Variants in FRMPD4 observed in about 807,000 individuals in gnomAD.
FRMPD4 encodes the protein FERM and PDZ domain containing 4.
A neutral mutation model predicts 94.1 loss-of-function variants in FRMPD4; 22 were observed. The observed-to-expected ratio is 0.23, with a 90% CI of 0.17 to 0.33. The LOEUF (loss-of-function observed/expected upper bound fraction) is 0.33, where lower values mean the gene tolerates loss of function less well. Ranked by LOEUF, FRMPD4 falls within the 10% of genes least tolerant of loss-of-function variation. FRMPD4 has a pLI of 1.00. For synonymous variants in FRMPD4, 631 were observed against 548.6 expected, an observed-to-expected ratio of 1.15 and a Z score of -2.10; for missense variants, 1,111 against 1,339.9, an observed-to-expected ratio of 0.83 and a Z score of 2.67.
At chrX:11,874,853 G>A (rs1033912304) in intron 2 of FRMPD4, among the ~76,000 whole-genome samples, 1 of 111,546 alleles carries the variant, frequency 9.0e-6, no homozygotes, top group Non-Finnish European at 1.9e-5. Flanking sequence ...TAGTGGCAGG[G>A]AATATTGAAA....
intron 1 of FRMPD4, among the ~76,000 whole-genome samples, chrX:12,207,234 G>GA (rs1308570941): frequency 9.0e-6 from 1 of 111,314 alleles, no homozygotes; most frequent in African/African-American, 3.3e-5. Context: ...TTTTTGGCAA[G>GA]AAAAAAATGC....
chrX:12,178,613 G>A (rs766237842), intron 1 of FRMPD4, among the ~76,000 whole-genome samples: 3 of 112,021 alleles, frequency 2.7e-5, no homozygotes, highest in South Asian at 3.7e-4. Flanking sequence ...TTAACAAACT[G>A]TTATTAAGCC....
At chrX:12,633,472 G>A (rs2059415472) in intron 4 of FRMPD4, among the ~76,000 whole-genome samples, 1 of 111,829 alleles carries the variant, frequency 8.9e-6, no homozygotes, top group Non-Finnish European at 1.9e-5. Context: ...GAGCTGAGTA[G>A]CATCCCCTAA....
rs759838146 is a variant in FRMPD4, at chrX:11,870,695, G to A, written c.-30+5479G>A. On this transcript the variant is annotated intron_variant, in intron 2 of 18. Coordinates refer to the FRMPD4 transcript ENST00000640291. ...AGGACCAGGGAGGGGTCTATGAAACGTGAAAATTCTTTGCAAATCATCCAT... is the reference window on the plus strand; with the variant it reads ...AGGACCAGGGAGGGGTCTATGAAACATGAAAATTCTTTGCAAATCATCCAT... Among the ~76,000 whole-genome samples the A allele has an allele frequency of 1.2e-4, 13 of 111,527 alleles. 1 individual carries two copies. The highest frequency in any genetic ancestry group is 1.7e-4 in the Non-Finnish European group (9 of 53,071).
chrX:12,008,264 A>G (rs780547642), intron 3 of FRMPD4, among the ~76,000 whole-genome samples: 1 of 111,895 alleles, frequency 8.9e-6, no homozygotes, highest in African/African-American at 3.2e-5. Context: ...ATACTTGGCC[A>G]GAGTCACGTG....
chrX:12,019,422 C>G (rs2054621257), intron 3 of FRMPD4, among the ~76,000 whole-genome samples: 1 of 110,184 alleles, frequency 9.1e-6, no homozygotes, highest in African/African-American at 3.3e-5. Flanking sequence ...TCTCTCTCCT[C>G]TCTTCAATCC....
At chrX:12,058,452 G>A (rs1003333017) in intron 3 of FRMPD4, among the ~76,000 whole-genome samples, 6 of 110,658 alleles carry the variant, frequency 5.4e-5, no homozygotes, top group African/African-American at 2.0e-4. Context: ...CCATATTTTG[G>A]ATATCGGTTT....
At chrX:12,594,725 G>A (rs755389558) in intron 2 of FRMPD4, among the ~76,000 whole-genome samples, 39 of 111,725 alleles carry the variant, frequency 3.5e-4, no homozygotes, top group African/African-American at 4.9e-4. Flanking sequence ...ATGAGCCACC[G>A]TACCCGGCCA....
intron 1 of FRMPD4, among the ~76,000 whole-genome samples, chrX:12,312,933 G>A (rs2055058223): frequency 9.0e-6 from 1 of 111,195 alleles, no homozygotes; most frequent in Non-Finnish European, 1.9e-5. Flanking sequence ...CAAAAGGAGG[G>A]AGCCCAGTGC....
chrX:11,975,529 C>T (rs1276503435), intron 3 of FRMPD4, among the ~76,000 whole-genome samples: 1 of 112,390 alleles, frequency 8.9e-6, no homozygotes, highest in African/African-American at 3.2e-5. Context: ...TTCATACTTG[C>T]TTTCTGAACA....
chrX:11,905,695 G>A (rs761316708), intron 3 of FRMPD4, among the ~76,000 whole-genome samples: 16 of 111,170 alleles, frequency 1.4e-4, no homozygotes, highest in African/African-American at 2.9e-4. Flanking sequence ...CATTGATAAC[G>A]TGTGCTCCTA....
chrX:12,712,218 GAA>G (rs59142640), intron 14 of FRMPD4, among the ~76,000 whole-genome samples: 40,128 of 97,276 alleles, frequency 0.41, 6,124 homozygotes, highest in East Asian at 0.81. Flanking sequence ...AATTAGCAGT[GAA>G]AAAAAAAAAA....
intron 14 of FRMPD4, among the ~76,000 whole-genome samples, chrX:12,712,279 T>G (rs1263888684): frequency 9.2e-6 from 1 of 108,778 alleles, no homozygotes; most frequent in Admixed American, 9.7e-5. Flanking sequence ...CCAGATGCAG[T>G]GGTTCACGCC....
At chrX:12,571,573 C>A (rs771447062) in intron 2 of FRMPD4, among the ~76,000 whole-genome samples, 1 of 112,671 alleles carries the variant, frequency 8.9e-6, no homozygotes, top group East Asian at 2.8e-4. Context: ...AATTTTAATT[C>A]TACTCTGTAA....
At chrX:12,439,629 T>G (rs1248428866) in intron 1 of FRMPD4, among the ~76,000 whole-genome samples, 1 of 111,970 alleles carries the variant, frequency 8.9e-6, no homozygotes, top group Non-Finnish European at 1.9e-5. Flanking sequence ...AGTCCAGAGC[T>G]CATTTCGTTT....
intron 1 of FRMPD4, among the ~76,000 whole-genome samples, chrX:11,832,419 C>T (rs2053480328): frequency 1.8e-5 from 2 of 111,679 alleles, no homozygotes; most frequent in African/African-American, 6.5e-5. Flanking sequence ...TCATCCAGCA[C>T]AGACGAGATG....
chrX:12,440,284 C>T (rs1220144499), intron 1 of FRMPD4, among the ~76,000 whole-genome samples: 1 of 111,989 alleles, frequency 8.9e-6, no homozygotes, highest in Non-Finnish European at 1.9e-5. Flanking sequence ...TTGCAACCCT[C>T]CAGATAAATA....
intron 2 of FRMPD4, among the ~76,000 whole-genome samples, chrX:12,536,698 T>C (rs2058342933): frequency 8.9e-6 from 1 of 111,763 alleles, no homozygotes; most frequent in Non-Finnish European, 1.9e-5. Flanking sequence ...AGGAGAGAAT[T>C]TGATGTCTGA....
chrX:12,586,612 C>T (rs772560130), intron 2 of FRMPD4, among the ~76,000 whole-genome samples: 12 of 112,059 alleles, frequency 1.1e-4, no homozygotes, highest in African/African-American at 2.6e-4. Context: ...GTGTGGAGAC[C>T]GGAAGCTAAT....
Sources: allele counts gnomAD v4.1 joint callset (sites outside exome capture counted in the v4.1 genomes callset), GRCh38; gene constraint gnomAD v4.1.1; transcripts MANE v1.5; gene names NCBI Gene and HGNC (gene_info 2026-07-23, HGNC 2026-07-21).